MS4A4E: variants seen among roughly 807,000 people sequenced by gnomAD.
MS4A4E encodes the protein membrane spanning 4-domains A4E.
A neutral mutation model predicts 13.3 loss-of-function variants in MS4A4E; 23 were observed. The ratio of observed to expected loss-of-function variants is 1.73; its 90% CI spans 1.25 to 2.45. The LOEUF is 2.45. Ranked by LOEUF, MS4A4E falls within the 30% of genes most tolerant of loss-of-function variation. The pLI is 0.00. For missense variants in MS4A4E, 144 were observed against 131.2 expected (o/e 1.10, Z -0.48); for synonymous variants, 36 against 45.6 (o/e 0.79, Z 0.85).
chr11:60,212,552 G>A (rs893729789), intron 5 of MS4A4E, among the ~76,000 whole-genome samples: 8 of 152,114 alleles, frequency 5.3e-5, no homozygotes, highest in South Asian at 4.2e-4. Flanking sequence ...CTCGTGATCC[G>A]CCTGGCTCGG....
intron 3 of MS4A4E, among the ~76,000 whole-genome samples, chr11:60,221,060 T>A (rs1457568016): frequency 6.6e-6 from 1 of 152,192 alleles, no homozygotes; most frequent in African/African-American, 2.4e-5. Flanking sequence ...CCCCCATAGA[T>A]GAATCACAGC....
intron 5 of MS4A4E, among the ~76,000 whole-genome samples, chr11:60,210,479 C>G (rs780831636): frequency 6.6e-6 from 1 of 152,164 alleles, no homozygotes; most frequent in African/African-American, 2.4e-5. Flanking sequence ...TTGAGCTATA[C>G]GAAACTGCTG....
At chr11:60,240,396 C>T (rs559387247) in intron 1 of MS4A4E, among the ~76,000 whole-genome samples, 1 of 152,296 alleles carries the variant, frequency 6.6e-6, no homozygotes, top group South Asian at 2.1e-4. Context: ...TGCTTACAGC[C>T]TCTGAATGTT....
chr11:60,234,153 C>T (rs1224784527), intron 1 of MS4A4E, among the ~76,000 whole-genome samples: 5 of 152,094 alleles, frequency 3.3e-5, no homozygotes, highest in Non-Finnish European at 1.5e-5. Flanking sequence ...GTTTTGATTT[C>T]ACAGGCTCAC....
At position 60,209,612 on chromosome 11, in the gene MS4A4E, A is replaced by G. The variant is rs548013820; in HGVS notation, c.382-918T>C. On this transcript the variant is annotated intron_variant, in intron 5 of 8. Coordinates refer to ENST00000651255, the MANE Select transcript of MS4A4E (RefSeq NM_001393391.1). ...GTAACAATAAGAAGCTAATACAACA[A>G]TGAACATCACGTAGGTCAGTCTTTA... Among the ~76,000 whole-genome samples the G allele has an allele frequency of 8.5e-5, 13 of 152,350 alleles. 1 individual carries two copies. The South Asian group carries it at 2.5e-3, about 29-fold the overall frequency.
chr11:60,223,071 C>A (rs2084292782), intron 3 of MS4A4E, among the ~76,000 whole-genome samples: 1 of 152,010 alleles, frequency 6.6e-6, no homozygotes, highest in Non-Finnish European at 1.5e-5. Flanking sequence ...ACACAACCTG[C>A]TGAGGTGCTT....
At chr11:60,206,115 G>T (rs1467319641) in intron 6 of MS4A4E, among the ~76,000 whole-genome samples, 1 of 152,044 alleles carries the variant, frequency 6.6e-6, no homozygotes, top group Non-Finnish European at 1.5e-5. Flanking sequence ...AAGGATGGGG[G>T]AGAAGGGCAT....
intron 4 of MS4A4E, 23 bp from the exon 5 acceptor site, chr11:60,213,155 T>C: frequency 1.2e-6 from 1 of 828,734 alleles, no homozygotes; most frequent in South Asian, 1.8e-5. Context: ...GAAAATTAAT[T>C]AAGCAATCCA....
At chr11:60,240,184 T>C (rs2084531190) in intron 1 of MS4A4E, among the ~76,000 whole-genome samples, 1 of 152,254 alleles carries the variant, frequency 6.6e-6, no homozygotes, top group African/African-American at 2.4e-5. Context: ...GCTATGCGAC[T>C]GCAAATGTCC....
At chr11:60,240,722 A>G (rs1425118684) in intron 1 of MS4A4E, among the ~76,000 whole-genome samples, 1 of 152,132 alleles carries the variant, frequency 6.6e-6, no homozygotes, top group African/African-American at 2.4e-5. Flanking sequence ...GTTTGCAGGA[A>G]TGTTCCACTC....
chr11:60,226,845 C>T (rs1042633217), intron 3 of MS4A4E, among the ~76,000 whole-genome samples: 6 of 151,958 alleles, frequency 3.9e-5, no homozygotes, highest in Non-Finnish European at 2.9e-5. Flanking sequence ...AATAAAACTG[C>T]TTTTATTCAC....
At chr11:60,225,374 C>G (rs112100616) in intron 3 of MS4A4E, among the ~76,000 whole-genome samples, 3 of 152,076 alleles carry the variant, frequency 2.0e-5, no homozygotes, top group African/African-American at 7.3e-5. Flanking sequence ...CTACTTCTAC[C>G]GCAACTGTTT....
chr11:60,235,447 A>G (rs1428651379), intron 1 of MS4A4E, among the ~76,000 whole-genome samples: 3 of 152,236 alleles, frequency 2.0e-5, no homozygotes, highest in Non-Finnish European at 4.4e-5. Context: ...GGCTTTCAAC[A>G]GGGAAAGGAC....
chr11:60,223,915 C>T (rs781345025), intron 3 of MS4A4E, among the ~76,000 whole-genome samples: 1 of 152,138 alleles, frequency 6.6e-6, no homozygotes, highest in East Asian at 1.9e-4. Flanking sequence ...CACATCTATC[C>T]TATTAGTTAT....
At chr11:60,223,642 A>G (rs2084301900) in intron 3 of MS4A4E, among the ~76,000 whole-genome samples, 1 of 152,194 alleles carries the variant, frequency 6.6e-6, no homozygotes, top group South Asian at 2.1e-4. Flanking sequence ...TCAATCTGGG[A>G]GAGCACAATC....
intron 3 of MS4A4E, among the ~76,000 whole-genome samples, chr11:60,215,310 G>GA (rs895445467): frequency 1.5e-4 from 22 of 150,616 alleles, no homozygotes; most frequent in Non-Finnish European, 2.4e-4. Context: ...ATCACCATTG[G>GA]AAAAAAAATA....
intron 1 of MS4A4E, among the ~76,000 whole-genome samples, chr11:60,241,442 A>C (rs955842154): frequency 1.3e-5 from 2 of 152,226 alleles, no homozygotes; most frequent in African/African-American, 4.8e-5. Context: ...CTCTGTGTTT[A>C]GTGCCTCTCG....
intron 3 of MS4A4E, among the ~76,000 whole-genome samples, chr11:60,227,772 T>G (rs1262166404): frequency 3.3e-5 from 5 of 151,846 alleles, no homozygotes; most frequent in Non-Finnish European, 7.4e-5. Context: ...GGGAATAGAA[T>G]AGAAAGCCTA....
chr11:60,233,621 G>A (rs1390187203), intron 1 of MS4A4E, among the ~76,000 whole-genome samples: 1 of 152,240 alleles, frequency 6.6e-6, no homozygotes, highest in East Asian at 1.9e-4. Context: ...GTAAACCTTG[G>A]TGGAATCCAT....
Sources: gnomAD v4.1 joint callset for allele counts (sites outside exome capture counted in the v4.1 genomes callset) on GRCh38, gnomAD v4.1.1 for gene constraint, MANE v1.5 for transcripts, NCBI Gene and HGNC (gene_info 2026-07-23, HGNC 2026-07-21) for gene names.